The following LATS2 variants were observed in gnomAD, a reference collection of about 807,000 sequenced individuals.
The protein encoded by LATS2 is large tumor suppressor kinase 2.
Under a neutral mutation model 76.0 loss-of-function variants are expected in LATS2, and 24 were observed. The observed-to-expected ratio is 0.32, with a 90% confidence interval of 0.23 to 0.44. The LOEUF (loss-of-function observed/expected upper bound fraction) is 0.44, where lower values mean the gene tolerates loss of function less well. LATS2 is among the 20% of genes least tolerant of loss of function. LATS2 has a pLI of 1.00. For synonymous variants in LATS2, 692 were observed against 635.4 expected, an observed-to-expected ratio of 1.09 and a Z score of -1.34; for missense variants, 1,286 against 1,481.2, an observed-to-expected ratio of 0.87 and a Z score of 2.16.
intron 2 of LATS2, among the ~76,000 whole-genome samples, chr13:21,024,093 CA>C (rs748881098): frequency 0.15 from 12,199 of 79,310 alleles, 870 homozygotes; most frequent in East Asian, 0.52. Context: ...TCTCGCTGTG[CA>C]AAAAAAAAAA....
At chr13:21,056,678 T>G (rs191477948) in intron 1 of LATS2, among the ~76,000 whole-genome samples, 1 of 152,198 alleles carries the variant, frequency 6.6e-6, no homozygotes, top group South Asian at 2.1e-4. Flanking sequence ...GCTAGGGAGT[T>G]AGAACACCCC....
Position 20,975,076 on chromosome 13 carries a change from C to A in LATS2, c.3061G>T (p.Ala1021Ser), listed in dbSNP as rs1222011125. 1 of 1,614,094 alleles carries A rather than the reference C, an allele frequency of 6.2e-7. No individual in the cohort carries two copies. The highest frequency in any genetic ancestry group is 8.5e-7 in the Non-Finnish European group (1 of 1,180,052). ...WNDASEGSTK[A>S]WDTLTSPNNK... ...TTGGGCGAGGTGAGTGTGTCCCAGG[C>A]CTTGGTGCTACCTTCGCTGGCATCG... The change falls in exon 8 of 8, where the codon GCC (alanine) becomes TCC (serine). Residue 1021 changes from alanine (A) to serine (S), a missense_variant. Physicochemically the swap from Ala to Ser is moderately conservative, Grantham distance 99. This residue lies in a region of LATS2 where 210 missense variants were observed against 234.9 expected (regional missense o/e 0.89). Coordinates refer to ENST00000382592, the MANE Select transcript of LATS2 (RefSeq NM_014572.3).
chr13:20,991,021 A>T lies in LATS2; in HGVS notation c.475+251T>A, dbSNP rs562665428. ...ACCTTCCCCTAGGTAGGAAGTACTA[A>T]GGTAATTTCAGACAAGGCTGGATGG... On this transcript the variant is annotated intron_variant, in intron 3 of 7. Coordinates refer to ENST00000382592, the MANE Select transcript of LATS2 (RefSeq NM_014572.3). The surrounding 1 kb of genome is among the most constrained non-coding windows in gnomAD (Gnocchi z 4.9). 2.7e-4 allele frequency among the ~76,000 whole-genome samples: 41 copies of T among 152,204 alleles called. No homozygotes were observed. The highest frequency in any genetic ancestry group is 4.6e-4 in the Admixed American group (7 of 15,290).
intron 2 of LATS2, among the ~76,000 whole-genome samples, chr13:21,008,189 A>C (rs1036134347): frequency 6.7e-6 from 1 of 150,338 alleles, no homozygotes; most frequent in Admixed American, 6.6e-5. Context: ...CTGCATTGCC[A>C]GCTACTACTG....
At position 20,983,639 on chromosome 13, in the gene LATS2, G is replaced by A. The variant is rs1408934764; in HGVS notation, c.2067C>T (p.Asp689=). Residue 689 remains aspartate, a synonymous_variant, in exon 5 of 8, where the codon GAC becomes GAT. Transcript: ENST00000382592. ...TCTTCATGGCGTACAGGGCGTGAGT[G>A]TCCACCTTACAAGCAAGGCACACTT... ...FGEVCLACKV[D]THALYAMKTL... is the part of the protein sequence containing the mutation. 1 of 1,614,002 alleles carries A rather than the reference G, an allele frequency of 6.2e-7. No homozygotes were observed.
At chr13:20,978,018 C>A (rs148189470) in intron 7 of LATS2, among the ~76,000 whole-genome samples, 1 of 151,912 alleles carries the variant, frequency 6.6e-6, no homozygotes, top group Non-Finnish European at 1.5e-5. Context: ...TGGGTTCAAG[C>A]GATTCTCCTG....
chr13:21,021,816 G>A (rs1872077348), intron 2 of LATS2, among the ~76,000 whole-genome samples: 2 of 152,256 alleles, frequency 1.3e-5, no homozygotes, highest in Admixed American at 6.5e-5. Flanking sequence ...GTTATGCACT[G>A]TAGCCCTCAC....
intron 2 of LATS2, among the ~76,000 whole-genome samples, chr13:21,039,617 T>C (rs1215930340): frequency 6.6e-6 from 1 of 152,216 alleles, no homozygotes; most frequent in African/African-American, 2.4e-5. Context: ...CAAGCACTGA[T>C]TGAGCACATG....
At chr13:21,001,509 A>G (rs1871039429) in intron 2 of LATS2, among the ~76,000 whole-genome samples, 1 of 152,196 alleles carries the variant, frequency 6.6e-6, no homozygotes, top group South Asian at 2.1e-4. Flanking sequence ...ACCCTCAAGA[A>G]GGCTGGCTAC....
intron 1 of LATS2, among the ~76,000 whole-genome samples, chr13:21,049,071 G>C (rs1176577229): frequency 6.6e-6 from 1 of 152,192 alleles, no homozygotes; most frequent in African/African-American, 2.4e-5. Flanking sequence ...ATTCCAGCTA[G>C]AGGGAACAGC....
At chr13:21,059,208 A>G (rs933802434) in intron 1 of LATS2, among the ~76,000 whole-genome samples, 6 of 152,250 alleles carry the variant, frequency 3.9e-5, no homozygotes, top group Non-Finnish European at 2.9e-5. Flanking sequence ...TTGTGAAAAG[A>G]GCTGTTCAGC....
In LATS2 at chr13:21,016,793, C is replaced by A. The variant is rs1406744953; in HGVS notation, c.343-25389G>T. Among the ~76,000 whole-genome samples, 4 of 152,294 alleles carry A rather than the reference C, an allele frequency of 2.6e-5. No individual in the cohort carries two copies. The East Asian group carries it at 7.7e-4, about 29-fold the overall frequency. On this transcript the variant is annotated intron_variant, in intron 2 of 7. Coordinates refer to ENST00000382592, the MANE Select transcript of LATS2 (RefSeq NM_014572.3). ...TTTGTTAATTTCCCACTGTGAAATT[C>A]ATCAGAAAACCTCTCACTAATAAAA...
At chr13:21,031,840 A>G (rs1310639569) in intron 2 of LATS2, among the ~76,000 whole-genome samples, 1 of 152,190 alleles carries the variant, frequency 6.6e-6, no homozygotes, top group African/African-American at 2.4e-5. Flanking sequence ...TGGGTGACAG[A>G]GCAAGACCTC....
rs530833220 is a variant in LATS2 at position 21,023,100 on chromosome 13, G to A, written c.342+22585C>T. On this transcript the variant is annotated intron_variant, in intron 2 of 7. Transcript: ENST00000382592. Reference sequence around the variant, plus strand: ...AGGGGGGCAGTGTCGCTCGAGCCGGGGACTCCTTTCCAAAGATCGCTCCCG... The same window carrying A: ...AGGGGGGCAGTGTCGCTCGAGCCGGAGACTCCTTTCCAAAGATCGCTCCCG... 2.6e-5 allele frequency: 4 copies of A among 152,174 alleles called. No individual in the cohort carries two copies. The South Asian group carries it at 6.2e-4, about 24-fold the overall frequency. The allele number at this position is 152,174 out of a possible 1,614,324, so 9.4% of individuals were successfully genotyped here.
chr13:21,050,880 G>A (rs1318743330), intron 1 of LATS2, among the ~76,000 whole-genome samples: 1 of 152,200 alleles, frequency 6.6e-6, no homozygotes, highest in Non-Finnish European at 1.5e-5. Context: ...GAGCTTTCTG[G>A]AGCCCTGTGG....
At chr13:21,027,283 C>T (rs1449249164) in intron 2 of LATS2, among the ~76,000 whole-genome samples, 2 of 152,072 alleles carry the variant, frequency 1.3e-5, no homozygotes, top group Admixed American at 1.3e-4. Context: ...AGATCTTTGC[C>T]TTTCTCAAGG....
intron 2 of LATS2, among the ~76,000 whole-genome samples, chr13:21,034,247 T>C (rs1441792543): frequency 6.6e-6 from 1 of 152,186 alleles, no homozygotes; most frequent in Non-Finnish European, 1.5e-5. Flanking sequence ...TATGCCCTGG[T>C]TGACACAGCC....
At chr13:21,041,263 C>A (rs1235281957) in intron 2 of LATS2, among the ~76,000 whole-genome samples, 2 of 151,978 alleles carry the variant, frequency 1.3e-5, no homozygotes, top group African/African-American at 4.8e-5. Flanking sequence ...TGAGCCACCG[C>A]GCCTGGCCCA....
chr13:21,039,601 G>C (rs1208402725), intron 2 of LATS2, among the ~76,000 whole-genome samples: 2 of 152,194 alleles, frequency 1.3e-5, no homozygotes, highest in Admixed American at 6.6e-5. Context: ...AACTTTCACT[G>C]GTGAGCAAGC....
Sources: allele counts gnomAD v4.1 joint callset (sites outside exome capture counted in the v4.1 genomes callset), GRCh38; gene constraint gnomAD v4.1.1; regional missense constraint gnomAD v4.1.1; non-coding constraint Gnocchi (gnomAD v3.1); transcripts MANE v1.5; gene names NCBI Gene and HGNC (gene_info 2026-07-23, HGNC 2026-07-21).